The following TNIP1 variants were observed in gnomAD, a reference collection of about 807,000 sequenced individuals.
TNIP1 encodes the protein TNFAIP3-interacting protein 1.
Under a neutral mutation model 86.6 loss-of-function variants are expected in TNIP1, and 22 were observed. The ratio of observed to expected loss-of-function variants is 0.25; its 90% CI spans 0.18 to 0.36. TNIP1 has a LOEUF of 0.36. TNIP1 is among the 10% of genes least tolerant of loss of function. TNIP1 has a pLI of 1.00. For missense variants in TNIP1, 709 were observed against 820.6 expected (o/e 0.86, Z 1.66); for synonymous variants, 294 against 313.0 (o/e 0.94, Z 0.64).
At chr5:151,055,679 G>A (rs548836996) in intron 6 of TNIP1, among the ~76,000 whole-genome samples, 3 of 152,082 alleles carry the variant, frequency 2.0e-5, no homozygotes, top group Non-Finnish European at 2.9e-5. Context: ...TCATGCCCTC[G>A]GCAACCAAGG....
intron 1 of TNIP1, among the ~76,000 whole-genome samples, chr5:151,080,561 C>A (rs917283319): frequency 3.9e-5 from 6 of 152,242 alleles, no homozygotes; most frequent in Admixed American, 6.5e-5. Flanking sequence ...AACTCGTCTC[C>A]ACAGGATAGA....
chr5:151,068,479 C>A (rs1244469820), intron 1 of TNIP1, among the ~76,000 whole-genome samples: 1 of 152,206 alleles, frequency 6.6e-6, no homozygotes, highest in African/African-American at 2.4e-5. Flanking sequence ...TGCATTCGAA[C>A]ATGACGATGG....
intron 16 of TNIP1, 89 bp downstream of exon 16, chr5:151,033,519 T>C: frequency 1.1e-6 from 1 of 914,578 alleles, no homozygotes; most frequent in Non-Finnish European, 1.6e-6. Flanking sequence ...GGATGCAGTT[T>C]CTGAACCCCT....
intron 8 of TNIP1, 106 bp downstream of exon 8, chr5:151,049,713 ACCACT>A: frequency 7.5e-7 from 1 of 1,325,270 alleles, no homozygotes; most frequent in South Asian, 1.3e-5. Flanking sequence ...AGAACCTTCT[ACCACT>A]GGCACTGGCT....
At chr5:151,036,709 G>T in intron 13 of TNIP1, 81 bp downstream of exon 13, 1 of 1,602,144 alleles carries the variant, frequency 6.2e-7, no homozygotes, top group South Asian at 1.1e-5. Flanking sequence ...GGTTCCATGT[G>T]ATTCCAAGCC....
intron 17 of TNIP1, chr5:151,032,024 C>T (rs943025669): frequency 4.2e-6 from 2 of 479,298 alleles, no homozygotes; most frequent in Non-Finnish European, 7.4e-6. Flanking sequence ...TGTATAAGGG[C>T]AAGGACTGTA....
At chr5:151,050,987 T>G (rs1759855861) in intron 7 of TNIP1, among the ~76,000 whole-genome samples, 1 of 152,184 alleles carries the variant, frequency 6.6e-6, no homozygotes, top group African/African-American at 2.4e-5. Flanking sequence ...ACCACTTCTT[T>G]ATGTTCTATT....
At position 151,031,277 on chromosome 5, in the gene TNIP1, C is replaced by G. The variant is rs150591643; in HGVS notation, c.1877-530G>C. 2.9e-4 allele frequency among the ~76,000 whole-genome samples: 44 copies of G among 152,326 alleles called. 1 individual carries two copies. In the East Asian group the frequency reaches 7.9e-3, roughly 27 times the overall value. On this transcript the variant is annotated intron_variant, in intron 17 of 17. Coordinates refer to ENST00000521591, the MANE Select transcript of TNIP1 (RefSeq NM_006058.5). ...ACACCTGCAAAGGGACACTCGCCAC[C>G]TCCCAGAGCTGGCTCCATTTCTGCA... is the stretch of plus-strand genomic sequence containing the variant.
At chr5:151,045,250 C>T (rs559231316) in intron 9 of TNIP1, among the ~76,000 whole-genome samples, 13 of 152,224 alleles carry the variant, frequency 8.5e-5, no homozygotes, top group Admixed American at 3.3e-4. Flanking sequence ...CCACCATGCC[C>T]GCTAATTTTT....
chr5:151,084,455 A>AG (rs1764200014), upstream of TNIP1, among the ~76,000 whole-genome samples: 2 of 151,160 alleles, frequency 1.3e-5, no homozygotes, highest in African/African-American at 4.9e-5. Flanking sequence ...AAAAAAAAAA[A>AG]AAAAGAAAGA....
At chr5:151,071,331 T>C (rs932959372) in intron 1 of TNIP1, among the ~76,000 whole-genome samples, 2 of 152,074 alleles carry the variant, frequency 1.3e-5, no homozygotes, top group Admixed American at 6.6e-5. Context: ...TAGTAACAGC[T>C]GGGGCGCCAG....
At chr5:151,041,272 T>C (rs969125181) in intron 11 of TNIP1, among the ~76,000 whole-genome samples, 55 of 152,174 alleles carry the variant, frequency 3.6e-4, no homozygotes, top group Admixed American at 1.2e-3. Context: ...GGTTTCACCA[T>C]GTTGGCCAGG....
At chr5:151,061,651 T>C (rs189965920) in intron 4 of TNIP1, among the ~76,000 whole-genome samples, 3 of 152,168 alleles carry the variant, frequency 2.0e-5, no homozygotes, top group Admixed American at 1.3e-4. Context: ...CTGACTACTT[T>C]TTTTCTTAGA....
At chr5:151,059,195 C>A (rs771286067) in intron 5 of TNIP1, among the ~76,000 whole-genome samples, 1 of 152,226 alleles carries the variant, frequency 6.6e-6, no homozygotes, top group South Asian at 2.1e-4. Flanking sequence ...GAACTTACTA[C>A]GTCAGTTAAA....
rs372807299 is a variant in TNIP1 at position 151,033,630 on chromosome 5, G to C, written c.1757C>G (p.Pro586Arg). The C allele has an allele frequency of 2.5e-5, 34 of 1,382,138 alleles. No individual in the cohort carries two copies. In the African/African-American group the frequency reaches 5.0e-4, roughly 20 times the overall value. 85.6% of individuals were successfully genotyped at this position (1,382,138 alleles called of 1,614,324 possible). A position where few individuals can be genotyped will look rare whatever the true frequency, so the allele number is the denominator to read the frequency against. The change falls in exon 16 of 18, where the codon CCC (proline) becomes CGC (arginine). Residue 586 changes from proline to arginine, a missense_variant. By Grantham distance (103) the Pro-to-Arg change is moderately radical. Transcript: ENST00000521591. The stretch of plus-strand genomic sequence containing the variant: ...CACCAGATGGAAGAGGCGCGAGTTG[G>C]GGAGTGGGGGCGGGTGCTCCATGGC... Reference protein sequence around the residue: ...PMAMEHPPPLPNSRLFHLPEY... With the variant: ...PMAMEHPPPLRNSRLFHLPEY...
chr5:151,062,032 T>G (rs762505890), intron 4 of TNIP1, 95 bp downstream of exon 4: 125 of 1,171,514 alleles, frequency 1.1e-4, no homozygotes, highest in Non-Finnish European at 1.4e-4. Context: ...CACAGTTTCT[T>G]GACCTCAACC....
rs892655074 is a variant in TNIP1 at position 151,030,668 on chromosome 5, C to G, written c.*45G>C. 13 of 1,613,824 alleles carry G rather than the reference C, an allele frequency of 8.1e-6. No individual in the cohort carries two copies. The highest frequency in any genetic ancestry group is 9.3e-6 in the Non-Finnish European group (11 of 1,179,898). The stretch of plus-strand genomic sequence containing the variant: ...TAGTTTCTTGGCAATCTGAGATCAG[C>G]TGGCTCTGCAAGATGAAGGTGGAGC... On this transcript the variant is annotated 3_prime_UTR_variant, in exon 18 of 18. Transcript: ENST00000521591.
At chr5:151,082,338 A>T (rs555097485), upstream of TNIP1, among the ~76,000 whole-genome samples, 12 of 152,300 alleles carry the variant, frequency 7.9e-5, no homozygotes, top group Admixed American at 3.3e-4. Flanking sequence ...TTCAGAAGGG[A>T]GGGAGGGAGG....
chr5:151,072,992 T>C (rs13180950), intron 1 of TNIP1, among the ~76,000 whole-genome samples: 47,625 of 151,848 alleles, frequency 0.31, 11,821 homozygotes, highest in African/African-American at 0.7. Context: ...GAGGCCGAGG[T>C]GGGCGGATCA....
Sources: gnomAD v4.1 joint callset for allele counts (sites outside exome capture counted in the v4.1 genomes callset) on GRCh38, gnomAD v4.1.1 for gene constraint, MANE v1.5 for transcripts, NCBI Gene and HGNC (gene_info 2026-07-23, HGNC 2026-07-21) for gene names.